Variants in YIPF7 observed in about 807,000 individuals in gnomAD.
The protein encoded by YIPF7 is Yip1 domain family member 7.
YIPF7 carries 35 observed loss-of-function variants against 27.2 expected under a neutral mutation model. The observed-to-expected ratio is 1.29, with a 90% CI of 0.98 to 1.70. The LOEUF (loss-of-function observed/expected upper bound fraction) is 1.70. YIPF7 is among the 40% of genes most tolerant of loss of function. The probability of loss-of-function intolerance (pLI) is 0.00; values close to 1 mark genes in which losing one functional copy is unlikely to be tolerated. For synonymous variants in YIPF7, 137 were observed against 110.4 expected, an observed-to-expected ratio of 1.24 and a Z score of -1.51; for missense variants, 358 against 303.7, an observed-to-expected ratio of 1.18 and a Z score of -1.33.
intron 2 of YIPF7, among the ~76,000 whole-genome samples, chr4:44,637,144 TC>T (rs1391847370): frequency 6.6e-6 from 1 of 152,210 alleles, no homozygotes; most frequent in Admixed American, 6.5e-5. Context: ...TATTCATTCA[TC>T]CATTGGTGGA....
upstream of YIPF7, chr4:44,651,684 C>A: frequency 1.6e-6 from 2 of 1,261,980 alleles, no homozygotes; most frequent in Non-Finnish European, 2.2e-6. Flanking sequence ...TTCTGACACC[C>A]TGAGCAGATG....
At chr4:44,644,449 G>A (rs1230368536) in intron 2 of YIPF7, among the ~76,000 whole-genome samples, 2 of 152,166 alleles carry the variant, frequency 1.3e-5, no homozygotes, top group East Asian at 3.9e-4. Flanking sequence ...GCTGTGGGTT[G>A]GACAAATTTG....
At chr4:44,644,963 G>A (rs1169606209) in intron 2 of YIPF7, among the ~76,000 whole-genome samples, 2 of 152,074 alleles carry the variant, frequency 1.3e-5, no homozygotes, top group Non-Finnish European at 2.9e-5. Flanking sequence ...CTCTCTCTTG[G>A]TTCTGCTCCT....
In YIPF7 at chr4:44,659,972, G is replaced by A. The variant is rs532789530; in HGVS notation, c.-2+477C>T. ...ACTAAAAATACAAAAAAATTAGCCA[G>A]GAGTGGTGGCGGCTGCCTGTAGTCC... is the stretch of plus-strand genomic sequence containing the variant. On this transcript the variant is annotated intron_variant, in intron 2 of 2. Transcript: ENST00000508947. Among the ~76,000 whole-genome samples, 29 of 151,866 alleles carry A rather than the reference G, an allele frequency of 1.9e-4. No homozygotes were observed. In the East Asian group the frequency reaches 5.7e-3, roughly 30 times the overall value.
At chr4:44,660,136 A>AAAAAAAAAAAAAAAG (rs1714008552) in intron 2 of YIPF7, among the ~76,000 whole-genome samples, 1 of 146,530 alleles carries the variant, frequency 6.8e-6, no homozygotes, top group Non-Finnish European at 1.5e-5. Flanking sequence ...AAAAAAAAAA[A>AAAAAAAAAAAAAAAG]CGAACCTTAC....
chr4:44,632,142 G>T (rs146087916), intron 3 of YIPF7, among the ~76,000 whole-genome samples: 2,078 of 152,218 alleles, frequency 0.014, 24 homozygotes, highest in Middle Eastern at 0.031. Context: ...TACTGAAATA[G>T]ATCTCTATAA....
intron 2 of YIPF7, among the ~76,000 whole-genome samples, chr4:44,657,780 G>T (rs1245392411): frequency 6.6e-6 from 1 of 152,246 alleles, no homozygotes; most frequent in East Asian, 1.9e-4. Flanking sequence ...TTTTCTAAGT[G>T]CCAGAGAAAT....
intron 2 of YIPF7, among the ~76,000 whole-genome samples, chr4:44,638,015 T>A (rs1713187832): frequency 6.6e-6 from 1 of 151,940 alleles, no homozygotes; most frequent in East Asian, 1.9e-4. Context: ...AAAATTCCCA[T>A]CAAAAAGTGG....
chr4:44,645,213 T>C (rs1022664522), intron 2 of YIPF7, among the ~76,000 whole-genome samples: 22 of 152,228 alleles, frequency 1.4e-4, no homozygotes, highest in African/African-American at 5.1e-4. Flanking sequence ...AAAATTTATA[T>C]GAACAACTTT....
chr4:44,641,977 C>G (rs549045826), intron 2 of YIPF7, among the ~76,000 whole-genome samples: 1 of 151,952 alleles, frequency 6.6e-6, no homozygotes, highest in African/African-American at 2.4e-5. Context: ...TAAAAATCCC[C>G]CAATACCTAT....
chr4:44,647,876 C>A (rs1211294965), intron 2 of YIPF7, among the ~76,000 whole-genome samples: 1 of 151,364 alleles, frequency 6.6e-6, no homozygotes, highest in Non-Finnish European at 1.5e-5. Flanking sequence ...CTATCTGGAG[C>A]TTTTAAGGTG....
At chr4:44,636,129 G>T (rs773241359) in intron 2 of YIPF7, 44 bp from the exon 3 acceptor site, 3 of 1,539,900 alleles carry the variant, frequency 1.9e-6, no homozygotes, top group Non-Finnish European at 2.6e-6. Flanking sequence ...TAAGAAAAAG[G>T]TATCATGACA....
chr4:44,651,475 ATTGGTACTACAG>A lies in YIPF7; in HGVS notation c.-2+67_-2+78del, dbSNP rs1429538638. The A allele has an allele frequency of 4.7e-6, 4 of 842,720 alleles. No individual in the cohort carries two copies. In the East Asian group the frequency reaches 1.2e-4, roughly 25 times the overall value. 52.2% of individuals were successfully genotyped at this position (842,720 alleles called of 1,614,324 possible). On this transcript the variant is annotated intron_variant, in intron 1 of 5. Coordinates refer to ENST00000415895, the MANE Select transcript of YIPF7 (RefSeq NM_182592.3). ...ATGCAAAGCTTTATGTAACATGACTATTGGTACTACAGTCCTTACATAACCGAGCTTTGTATT... is the reference window on the plus strand; with the variant it reads ...ATGCAAAGCTTTATGTAACATGACTATCCTTACATAACCGAGCTTTGTATT...
intron 2 of YIPF7, among the ~76,000 whole-genome samples, chr4:44,659,261 C>T (rs879846761): frequency 3.3e-5 from 5 of 151,330 alleles, no homozygotes; most frequent in Admixed American, 3.3e-4. Context: ...ACAATATGCA[C>T]ACATGGCTTC....
At chr4:44,627,558 A>C (rs1029679577) in intron 4 of YIPF7, among the ~76,000 whole-genome samples, 3 of 152,230 alleles carry the variant, frequency 2.0e-5, no homozygotes, top group African/African-American at 7.2e-5. Flanking sequence ...GAGTTAAATC[A>C]TACTTCAAGT....
At chr4:44,637,406 T>A in intron 2 of YIPF7, among the ~76,000 whole-genome samples, 1 of 152,214 alleles carries the variant, frequency 6.6e-6, no homozygotes, top group East Asian at 1.9e-4. Flanking sequence ...CATCAACATC[T>A]GTTACTTTTT....
rs71190269 is a variant in YIPF7 at position 44,626,763 on chromosome 4, C to CTTTTTTTTTTTTTTT, written c.427-1996_427-1982dup. Among the ~76,000 whole-genome samples the CTTTTTTTTTTTTTTT allele has an allele frequency of 7.9e-4, 55 of 69,778 alleles. 16 individuals carry two copies. Among genetic ancestry groups the CTTTTTTTTTTTTTTT allele is most frequent in the African/African-American group, 8.4e-4 (14 of 16,698 alleles). The allele number at this position is 69,778 out of a possible 152,430, so 45.8% of individuals were successfully genotyped here. A position where few individuals can be genotyped will look rare whatever the true frequency, so the allele number is the denominator to read the frequency against. The stretch of plus-strand genomic sequence containing the variant: ...CCCTATTCCATCCTCATTAGCACAT[C>CTTTTTTTTTTTTTTT]TTTTTTTTTTTTTTTTTTTTTTTTT... On this transcript the variant is annotated intron_variant, in intron 4 of 5. Coordinates refer to ENST00000415895, the MANE Select transcript of YIPF7 (RefSeq NM_182592.3).
At chr4:44,641,553 G>T (rs577839536) in intron 2 of YIPF7, among the ~76,000 whole-genome samples, 3 of 152,128 alleles carry the variant, frequency 2.0e-5, no homozygotes, top group Admixed American at 6.5e-5. Context: ...ACAGTCCAAG[G>T]TTCTGAACTT....
At chr4:44,626,304 G>A (rs1190885050) in intron 4 of YIPF7, among the ~76,000 whole-genome samples, 5 of 152,184 alleles carry the variant, frequency 3.3e-5, no homozygotes, top group Admixed American at 6.5e-5. Flanking sequence ...GCTTTATTGG[G>A]TGAGTTTGCT....
Sources: allele counts gnomAD v4.1 joint callset (sites outside exome capture counted in the v4.1 genomes callset), GRCh38; gene constraint gnomAD v4.1.1; transcripts MANE v1.5; gene names NCBI Gene and HGNC (gene_info 2026-07-23, HGNC 2026-07-21).